The following RRBP1 variants were observed in gnomAD, a reference collection of about 807,000 sequenced individuals.
RRBP1 encodes ribosome-binding protein 1.
A neutral mutation model predicts 165.2 loss-of-function variants in RRBP1; 94 were observed. The observed-to-expected ratio is 0.57, with a 90% CI of 0.48 to 0.68. RRBP1 has a LOEUF of 0.68. Ranked by LOEUF, RRBP1 falls within the 30% of genes least tolerant of loss-of-function variation. The pLI is 0.00. For synonymous variants in RRBP1, 680 were observed against 714.5 expected, an observed-to-expected ratio of 0.95 and a Z score of 0.77; for missense variants, 1,676 against 1,763.0, an observed-to-expected ratio of 0.95 and a Z score of 0.88.
intron 2 of RRBP1, among the ~76,000 whole-genome samples, chr20:17,676,538 T>C (rs949732619): frequency 6.6e-6 from 1 of 152,186 alleles, no homozygotes; most frequent in Admixed American, 6.5e-5. Context: ...GACAAGCTGA[T>C]GACTAGTCCG....
chr20:17,672,554 A>G (rs1018947611), intron 2 of RRBP1, among the ~76,000 whole-genome samples: 3 of 152,242 alleles, frequency 2.0e-5, no homozygotes, highest in African/African-American at 7.2e-5. Context: ...CCAAGGTCTC[A>G]TTCATATACT....
chr20:17,653,259 G>A (rs2122417176), intron 3 of RRBP1, among the ~76,000 whole-genome samples: 1 of 152,368 alleles, frequency 6.6e-6, no homozygotes, highest in South Asian at 2.1e-4. Context: ...GAGGAGAGGT[G>A]CACACTTCAC....
chr20:17,635,222 A>G (rs1244389337), intron 7 of RRBP1, among the ~76,000 whole-genome samples: 1 of 152,042 alleles, frequency 6.6e-6, no homozygotes, highest in Non-Finnish European at 1.5e-5. Flanking sequence ...CAGAGACAAC[A>G]CTGAGATGAG....
intron 3 of RRBP1, among the ~76,000 whole-genome samples, chr20:17,649,179 T>A (rs1004260418): frequency 1.4e-4 from 21 of 152,242 alleles, no homozygotes; most frequent in African/African-American, 4.8e-4. Flanking sequence ...CAGAGAGTTT[T>A]CTTCAGAGCT....
intron 7 of RRBP1, among the ~76,000 whole-genome samples, chr20:17,634,012 C>T (rs1231446627): frequency 6.6e-6 from 1 of 152,228 alleles, no homozygotes; most frequent in Non-Finnish European, 1.5e-5. Context: ...CCCTCACTGG[C>T]CAGCTGGACC....
rs553209922 is a variant in RRBP1 at position 17,624,018 on chromosome 20, A to G, written c.3147+558T>C. On this transcript the variant is annotated intron_variant, in intron 13 of 24. Coordinates refer to ENST00000377813, the MANE Select transcript of RRBP1 (RefSeq NM_001365613.2). ...AGGATTACCCGACAAAAGGACACAC[A>G]ACAGAAATAACACCAAAAAAGCTCA... Among the ~76,000 whole-genome samples the G allele has an allele frequency of 3.3e-3, 496 of 152,206 alleles. 1 individual carries two copies. Among genetic ancestry groups the G allele is most frequent in the Non-Finnish European group, 4.8e-3 (324 of 68,016 alleles).
chr20:17,670,248 T>C (rs1330390835), intron 2 of RRBP1, among the ~76,000 whole-genome samples: 1 of 152,236 alleles, frequency 6.6e-6, no homozygotes, highest in African/African-American at 2.4e-5. Context: ...CAAGTTTGAA[T>C]TCCTAGGATA....
Position 17,659,833 on chromosome 20 carries a change from G to T in RRBP1, c.675C>A (p.Thr225=). 6.4e-7 allele frequency: 1 copy of T among 1,550,950 alleles called. No individual in the cohort carries two copies. The highest frequency in any genetic ancestry group is 1.4e-5 in the African/African-American group (1 of 72,994). The part of the protein sequence containing the change: ...APNQGRKAEG[T]PNQGKKTEGT... ...CCTCTGTCTTTTTGCCCTGGTTTGG[G>T]GTTCCCTCTGCCTTTCTGCCCTGGT... The change falls in exon 3 of 25, where the codon ACC becomes ACA. Residue 225 remains threonine, a synonymous_variant. Coordinates refer to ENST00000377813, the MANE Select transcript of RRBP1 (RefSeq NM_001365613.2).
rs376141567 is a variant in RRBP1 at position 17,621,730 on chromosome 20, G to T, written c.3284C>A (p.Thr1095Lys). 1 of 1,613,768 alleles carries T rather than the reference G, an allele frequency of 6.2e-7. No homozygotes were observed. The highest frequency in any genetic ancestry group is 2.2e-5 in the East Asian group (1 of 44,880). The change falls in exon 15 of 25, where the codon ACG (threonine) becomes AAG (lysine). Residue 1095 changes from threonine (T) to lysine (K), a missense_variant. Physicochemically the swap from Thr to Lys is moderately conservative, Grantham distance 78. This residue lies in a region of RRBP1 where 1,184 missense variants were observed against 1,167.1 expected (regional missense o/e 1.01). Transcript: ENST00000377813. ...GGGAGCTGGCGGGTGCTTCAGCAGC[G>T]TGGGGCCTTTCTCTTTGAGATCCTG... ...WLQDLKEKGP[T>K]LLKHPPAPAE...
chr20:17,614,957 G>T, intron 23 of RRBP1, 77 bp from the exon 24 acceptor site: 1 of 1,517,912 alleles, frequency 6.6e-7, no homozygotes, highest in South Asian at 1.2e-5. Context: ...ACAGGACCCT[G>T]ACGCCAGGGG....
rs140579336 is a variant in RRBP1, at chr20:17,667,229, G to C, written c.-21-6701C>G. Among the ~76,000 whole-genome samples the C allele has an allele frequency of 4.6e-3, 705 of 152,252 alleles. 11 individuals are homozygous for C. Among genetic ancestry groups the C allele is most frequent in the Non-Finnish European group, 5.5e-3 (374 of 68,014 alleles). ...AAGAACTTGCCCATAAAACCATCAGGATTAGTGTTCTGAGATCTTTTCTTA... is the reference window on the plus strand; with the variant it reads ...AAGAACTTGCCCATAAAACCATCAGCATTAGTGTTCTGAGATCTTTTCTTA... On this transcript the variant is annotated intron_variant, in intron 2 of 24. Coordinates refer to ENST00000377813, the MANE Select transcript of RRBP1 (RefSeq NM_001365613.2).
rs1213312461 is a variant in RRBP1 at position 17,620,725 on chromosome 20, T to A, written c.3497A>T (p.Glu1166Val). ...CAGGGCTGCATATACCTTCTGGAGC[T>A]CCTCCTCTGCGGCGCCCACCTTGGC... ...WRAKVGAAEE[E>V]LQKSRVTVKH... Residue 1166 changes from glutamate (E) to valine (V), a missense_variant, in exon 17 of 25, where the codon GAG becomes GTG. Around this residue, in one of 5 missense-constraint regions of RRBP1, gnomAD observed 1,184 missense variants for 1,167.1 expected, o/e 1.01. Transcript: ENST00000377813. 1 of 1,605,720 alleles carries A rather than the reference T, an allele frequency of 6.2e-7. No individual in the cohort carries two copies. The highest frequency in any genetic ancestry group is 1.1e-5 in the South Asian group (1 of 91,034).
At position 17,659,325 on chromosome 20, in the gene RRBP1, C is replaced by T; in HGVS notation, c.1183G>A (p.Ala395Thr). ...TCAGCCTTCTTGCCCTGGTTCTGGG[C>T]CCCTTCTACTTTTTTGCCCTGGTTC... ...AQNQGKKVEG[A>T]QNQGKKAEGA... The change falls in exon 3 of 25, where the codon GCC becomes ACC. Residue 395 changes from alanine to threonine, a missense_variant. This residue lies in a region of RRBP1 where 78 missense variants were observed against 115.6 expected (regional missense o/e 0.67). Coordinates refer to ENST00000377813, the MANE Select transcript of RRBP1 (RefSeq NM_001365613.2). 5 of 1,532,122 alleles carry T rather than the reference C, an allele frequency of 3.3e-6. No homozygotes were observed. Among genetic ancestry groups the T allele is most frequent in the Non-Finnish European group, 4.4e-6 (5 of 1,139,522 alleles). 94.9% of individuals were successfully genotyped at this position (1,532,122 alleles called of 1,614,324 possible).
At chr20:17,666,283 T>A (rs73599759) in intron 2 of RRBP1, among the ~76,000 whole-genome samples, 20,441 of 151,726 alleles carry the variant, frequency 0.13, 1,617 homozygotes, top group Middle Eastern at 0.24. Flanking sequence ...GAGGCAGGAG[T>A]TCACTTGAGT....
At chr20:17,644,530 A>T (rs562644225) in intron 3 of RRBP1, among the ~76,000 whole-genome samples, 1 of 152,284 alleles carries the variant, frequency 6.6e-6, no homozygotes, top group East Asian at 1.9e-4. Flanking sequence ...GTGCGTGTCT[A>T]CTGCCAGCAC....
chr20:17,678,181 A>G (rs2122520469), intron 2 of RRBP1, among the ~76,000 whole-genome samples: 1 of 152,314 alleles, frequency 6.6e-6, no homozygotes, highest in Middle Eastern at 3.4e-3. Context: ...CTGCCTAAGA[A>G]AAGTCTCCTA....
chr20:17,631,752 C>T (rs1033094890), intron 8 of RRBP1, among the ~76,000 whole-genome samples: 2 of 152,358 alleles, frequency 1.3e-5, no homozygotes, highest in Non-Finnish European at 2.9e-5. Context: ...CTCCCTGATG[C>T]CAGTGCTCCA....
At chr20:17,619,303 C>A in intron 19 of RRBP1, 1 of 269,114 alleles carries the variant, frequency 3.7e-6, no homozygotes, top group Non-Finnish European at 7.0e-6. Context: ...GATCTAAATC[C>A]ACTCCCCACC....
chr20:17,614,771 G>C lies in RRBP1; in HGVS notation c.4160C>G (p.Thr1387Arg), dbSNP rs754021438. The change falls in exon 24 of 25, where the codon ACG becomes AGG. Residue 1387 changes from threonine to arginine, a missense_variant. Coordinates refer to ENST00000377813, the MANE Select transcript of RRBP1 (RefSeq NM_001365613.2). ...CAGCTGTTCCTGCAGCTTCTTCACC[G>C]TGTCCTTCTCCCTTGCCAGCTGCTC... ...TQEQLAREKD[T>R]VKKLQEQLEK... The C allele has an allele frequency of 1.2e-6, 2 of 1,613,248 alleles. No homozygotes were observed. The highest frequency in any genetic ancestry group is 1.3e-5 in the African/African-American group (1 of 74,948).
Sources: allele counts gnomAD v4.1 joint callset (sites outside exome capture counted in the v4.1 genomes callset), GRCh38; gene constraint gnomAD v4.1.1; regional missense constraint gnomAD v4.1.1; transcripts MANE v1.5; gene names NCBI Gene and HGNC (gene_info 2026-07-23, HGNC 2026-07-21).